The following MGST2 variants were observed in gnomAD, a reference collection of about 807,000 sequenced individuals.
MGST2 encodes the protein microsomal glutathione S-transferase 2.
MGST2 carries 9 observed loss-of-function variants against 16.6 expected under a neutral mutation model. The observed-to-expected ratio is 0.54, with a 90% CI of 0.33 to 0.95. The LOEUF (loss-of-function observed/expected upper bound fraction) is 0.95. MGST2 is among the 40% of genes least tolerant of loss of function. MGST2 has a pLI of 0.03. For synonymous variants in MGST2, 79 were observed against 68.0 expected (o/e 1.16, Z -0.79); for missense variants, 159 against 175.1 (o/e 0.91, Z 0.52).
chr4:139,735,469 C>CG lies in MGST2; in HGVS notation c.*49-4735dup, dbSNP rs1175991213. 9.6e-4 allele frequency among the ~76,000 whole-genome samples: 76 copies of CG among 79,098 alleles called. No individual in the cohort carries two copies. Among genetic ancestry groups the CG allele is most frequent in the East Asian group, 1.8e-3 (5 of 2,736 alleles). The allele number at this position is 79,098 out of a possible 152,430, so 51.9% of individuals were successfully genotyped here. On this transcript the variant is annotated intron_variant, in intron 5 of 5. Coordinates refer to the MGST2 transcript ENST00000616265. This position sits in a 1 kb window ranked among gnomAD's most constrained non-coding sequence, Gnocchi z 5.8. ...GGGGTAGGGGGGCAGTGGCGACCTCCGGGGGGGGAGGGTGGCGGACACCAG... is the reference window on the plus strand; with the variant it reads ...GGGGTAGGGGGGCAGTGGCGACCTCCGGGGGGGGGAGGGTGGCGGACACCAG...
At chr4:139,695,985 T>C (rs1174649667) in intron 3 of MGST2, among the ~76,000 whole-genome samples, 1 of 152,270 alleles carries the variant, frequency 6.6e-6, no homozygotes, top group Non-Finnish European at 1.5e-5. Context: ...TACAGTCTAC[T>C]AATAAATATT....
Position 139,678,634 on chromosome 4 carries a change from T to C in MGST2, c.150T>C (p.Phe50=). Residue 50 remains phenylalanine (F), a synonymous_variant, in exon 2 of 5, where the codon TTT becomes TTC. Coordinates refer to ENST00000265498, the MANE Select transcript of MGST2 (RefSeq NM_002413.5). ...VTGSPEFERV[F]RAQQNCVEFY... is the part of the protein sequence containing the mutation. ...GGTCACCAGAGTTTGAGAGAGTATT[T>C]CGGGCACAGTAAGTAATGCTTCTTC... 6.2e-7 allele frequency: 1 copy of C among 1,612,002 alleles called. No individual in the cohort carries two copies. The highest frequency in any genetic ancestry group is 8.5e-7 in the Non-Finnish European group (1 of 1,178,136).
the MGST2 span, among the ~76,000 whole-genome samples, chr4:139,748,471 G>A: frequency 6.6e-6 from 1 of 152,162 alleles, no homozygotes; most frequent in Non-Finnish European, 1.5e-5. Context: ...ACATCAAAAC[G>A]TACAACAAGG....
intron 5 of MGST2, among the ~76,000 whole-genome samples, chr4:139,726,113 T>C (rs1459241475): frequency 6.6e-6 from 1 of 152,198 alleles, no homozygotes; most frequent in Admixed American, 6.5e-5. Flanking sequence ...CCTTGACCCA[T>C]GGGCATCACT....
Position 139,677,595 on chromosome 4 carries a change from A to G in MGST2, c.59-948A>G, listed in dbSNP as rs576299918. Reference sequence around the variant, plus strand: ...CGGCTCACTGCAACCTCTGTCTCCCAGGTTCAAGTGATTATCCTGCCTTAG... The same window carrying G: ...CGGCTCACTGCAACCTCTGTCTCCCGGGTTCAAGTGATTATCCTGCCTTAG... On this transcript the variant is annotated intron_variant, in intron 1 of 4. Coordinates refer to ENST00000265498, the MANE Select transcript of MGST2 (RefSeq NM_002413.5). Among the ~76,000 whole-genome samples the G allele has an allele frequency of 3.4e-4, 51 of 151,448 alleles. 1 individual carries two copies. The highest frequency in any genetic ancestry group is 1.2e-3 in the African/African-American group (51 of 41,216).
At chr4:139,744,616 T>C (rs1310065043), downstream of MGST2, among the ~76,000 whole-genome samples, 7 of 152,212 alleles carry the variant, frequency 4.6e-5, no homozygotes, top group South Asian at 2.1e-4. Context: ...TGAAAAACTT[T>C]TATTGCTCAA....
chr4:139,741,774 C>T (rs765586645), downstream of MGST2, among the ~76,000 whole-genome samples: 6 of 152,110 alleles, frequency 3.9e-5, no homozygotes, highest in Non-Finnish European at 8.8e-5. Context: ...GTTATTAGAT[C>T]GGGCTGCTCT....
At chr4:139,711,339 C>A (rs566245938) in intron 5 of MGST2, among the ~76,000 whole-genome samples, 3 of 152,070 alleles carry the variant, frequency 2.0e-5, no homozygotes, top group African/African-American at 7.2e-5. Flanking sequence ...CGAGTGAGTG[C>A]TCAGTGCAAA....
chr4:139,749,235 T>A, the MGST2 span, among the ~76,000 whole-genome samples: 1 of 152,232 alleles, frequency 6.6e-6, no homozygotes, highest in Non-Finnish European at 1.5e-5. Flanking sequence ...TTTGACCTAA[T>A]GCTTTTGCTT....
At chr4:139,677,826 A>G (rs1223212882) in intron 1 of MGST2, among the ~76,000 whole-genome samples, 2 of 152,120 alleles carry the variant, frequency 1.3e-5, no homozygotes, top group Non-Finnish European at 1.5e-5. Flanking sequence ...GCAATCAGAT[A>G]TGCGTTTGTC....
At chr4:139,726,142 A>G (rs1728465495) in intron 5 of MGST2, among the ~76,000 whole-genome samples, 1 of 152,174 alleles carries the variant, frequency 6.6e-6, no homozygotes, top group Non-Finnish European at 1.5e-5. Flanking sequence ...TTTTAACAAC[A>G]TAGAGCAGTT....
intron 5 of MGST2, among the ~76,000 whole-genome samples, chr4:139,736,764 G>T (rs1728964103): frequency 6.6e-6 from 1 of 152,102 alleles, no homozygotes. Context: ...TAGAACTTTT[G>T]GGGGTGTTTT....
intron 1 of MGST2, among the ~76,000 whole-genome samples, chr4:139,676,482 C>T (rs554099313): frequency 1.3e-5 from 2 of 152,316 alleles, no homozygotes; most frequent in East Asian, 1.9e-4. Context: ...ATGTTACAAT[C>T]TGGTGTTGAA....
At chr4:139,670,658 A>C (rs1240670171) in intron 1 of MGST2, among the ~76,000 whole-genome samples, 5 of 152,294 alleles carry the variant, frequency 3.3e-5, no homozygotes, top group Admixed American at 2.6e-4. Flanking sequence ...TCATGCCTTT[A>C]ATCAAGCACT....
intron 5 of MGST2, chr4:139,719,886 G>A: frequency 6.2e-7 from 1 of 1,613,982 alleles, no homozygotes; most frequent in Non-Finnish European, 8.5e-7. Flanking sequence ...GTTCCCATAA[G>A]GCTCTGCAGC....
At chr4:139,682,794 C>T (rs1731328119) in intron 2 of MGST2, among the ~76,000 whole-genome samples, 1 of 151,008 alleles carries the variant, frequency 6.6e-6, no homozygotes, top group Non-Finnish European at 1.5e-5. Flanking sequence ...GTTCTTGTCA[C>T]ATGGCCAGGA....
chr4:139,672,393 C>T (rs778291273), intron 1 of MGST2, among the ~76,000 whole-genome samples: 1 of 152,108 alleles, frequency 6.6e-6, no homozygotes, highest in Non-Finnish European at 1.5e-5. Context: ...CTCATTTCCC[C>T]CTCAATGGAC....
intron 5 of MGST2, among the ~76,000 whole-genome samples, chr4:139,727,314 A>G (rs1450792576): frequency 1.3e-5 from 2 of 152,206 alleles, no homozygotes; most frequent in Non-Finnish European, 2.9e-5. Flanking sequence ...GAAACCACAC[A>G]AATCTTTTAG....
rs1047277377 is a variant in MGST2, at chr4:139,697,876, T to G, written c.229+2609T>G. ...GGTTTATTTATAATTATTATAAAGT[T>G]GAACCGCTGAAACTTGTTCACTGAA... On this transcript the variant is annotated intron_variant, in intron 3 of 4. Transcript: ENST00000265498. 3.2e-4 allele frequency among the ~76,000 whole-genome samples: 48 copies of G among 152,148 alleles called. 1 individual carries two copies. The highest frequency in any genetic ancestry group is 1.9e-3 in the Admixed American group (29 of 15,276).
Sources: gnomAD v4.1 joint callset for allele counts (sites outside exome capture counted in the v4.1 genomes callset) on GRCh38, gnomAD v4.1.1 for gene constraint, Gnocchi (gnomAD v3.1) non-coding constraint, MANE v1.5 for transcripts, NCBI Gene and HGNC (gene_info 2026-07-23, HGNC 2026-07-21) for gene names.